The following C14orf93 variants were observed in gnomAD, a reference collection of about 807,000 sequenced individuals.
The protein encoded by C14orf93 is chromosome 14 open reading frame 93, also known as uncharacterized protein C14orf93.
C14orf93 carries 23 observed loss-of-function variants against 44.0 expected under a neutral mutation model. The ratio of observed to expected loss-of-function variants is 0.52; its 90% CI spans 0.38 to 0.74. C14orf93 has a LOEUF of 0.74. Among genes scored for constraint, C14orf93 ranks in the 30% least tolerant of loss-of-function variants. The probability of loss-of-function intolerance (pLI) is 0.00; values close to 1 mark genes in which losing one functional copy is unlikely to be tolerated. For synonymous variants in C14orf93, 253 were observed against 265.7 expected (o/e 0.95, Z 0.46); for missense variants, 579 against 678.9 (o/e 0.85, Z 1.64).
intron 1 of C14orf93, chr14:23,005,675 T>C (rs1244877270): frequency 6.6e-6 from 1 of 152,130 alleles, no homozygotes; most frequent in African/African-American, 2.4e-5. Context: ...TTGCAAAAAA[T>C]ATAAGCATTT....
At chr14:22,991,471 C>T (rs533920692) in intron 3 of C14orf93, among the ~76,000 whole-genome samples, 2 of 146,050 alleles carry the variant, frequency 1.4e-5, no homozygotes, top group East Asian at 4.2e-4. Flanking sequence ...TCTCGAACTC[C>T]TAACCTTGTG....
chr14:23,004,144 G>A (rs1371505497), intron 1 of C14orf93, among the ~76,000 whole-genome samples: 4 of 150,490 alleles, frequency 2.7e-5, no homozygotes, highest in Non-Finnish European at 5.9e-5. Context: ...TCCTGACCTT[G>A]TGATCCGCCC....
At position 22,986,338 on chromosome 14, in the gene C14orf93, A is replaced by G. The variant is rs1394790866; in HGVS notation, c.*877T>C. 2.6e-5 allele frequency: 4 copies of G among 152,344 alleles called. No homozygotes were observed. Among genetic ancestry groups the G allele is most frequent in the African/African-American group, 9.6e-5 (4 of 41,464 alleles). The allele number at this position is 152,344 out of a possible 1,614,324, so 9.4% of individuals were successfully genotyped here. On this transcript the variant is annotated 3_prime_UTR_variant, in exon 7 of 7. Coordinates refer to ENST00000299088, the MANE Select transcript of C14orf93 (RefSeq NM_021944.4). The stretch of plus-strand genomic sequence containing the variant: ...GCCTGGCTTCCTGACTAAACTAAAA[A>G]AATCTCTGAACAGCATCCAACCTTA...
At position 23,003,573 on chromosome 14, in the gene C14orf93, G is replaced by A. The variant is rs776119056; in HGVS notation, c.-379-4171C>T. Among the ~76,000 whole-genome samples the A allele has an allele frequency of 1.6e-4, 24 of 152,028 alleles. 1 individual carries two copies. The highest frequency in any genetic ancestry group is 3.1e-4 in the Non-Finnish European group (21 of 68,010). Reference sequence around the variant, plus strand: ...GGAGGCTGAGGTGGGCGGGTCACCTGAGGTCAGTTCGAGACCAGCCTGGCC... The same window carrying A: ...GGAGGCTGAGGTGGGCGGGTCACCTAAGGTCAGTTCGAGACCAGCCTGGCC... On this transcript the variant is annotated intron_variant, in intron 1 of 6. Coordinates refer to ENST00000299088, the MANE Select transcript of C14orf93 (RefSeq NM_021944.4).
intron 1 of C14orf93, among the ~76,000 whole-genome samples, chr14:23,004,279 C>T (rs910630306): frequency 1.3e-5 from 2 of 148,844 alleles, no homozygotes; most frequent in Non-Finnish European, 3.0e-5. Context: ...GGCACGATTT[C>T]GGCTCACTGC....
chr14:23,008,579 C>T (rs528947258), intron 1 of C14orf93, among the ~76,000 whole-genome samples: 1 of 152,192 alleles, frequency 6.6e-6, no homozygotes. Context: ...CCCTCAGCAC[C>T]TCATATACCT....
chr14:22,998,930 T>G lies in C14orf93; in HGVS notation c.94A>C (p.Asn32His). 6.2e-7 allele frequency: 1 copy of G among 1,614,104 alleles called. No individual in the cohort carries two copies. Among genetic ancestry groups the G allele is most frequent in the South Asian group, 1.1e-5 (1 of 91,088 alleles). ...GGATTCCCACCCTGGGAGCCTGTGT[T>G]GCCTCCATTAGTCTCACTCTTACAG... ...CACKSETNGGNTGSQGGNPPP... is the reference protein window; with the variant it reads ...CACKSETNGGHTGSQGGNPPP... The change falls in exon 2 of 7, where the codon AAC (asparagine) becomes CAC (histidine). Residue 32 changes from asparagine to histidine, a missense_variant. Asn to His is a moderately conservative substitution (Grantham distance 68). Transcript: ENST00000299088.
rs1014560694 is a variant in C14orf93, at chr14:22,987,204, G to C, written c.*11C>G. 1.9e-6 allele frequency: 3 copies of C among 1,601,538 alleles called. No homozygotes were observed. The African/African-American group carries it at 4.0e-5, about 21-fold the overall frequency. ...CATGGCGGAAGCCAGAGTTATTCTT[G>C]GCTGTAGATTTTATTCATCCTTTTC... On this transcript the variant is annotated 3_prime_UTR_variant, in exon 7 of 7. Transcript: ENST00000299088. This position sits in a 1 kb window ranked among gnomAD's most constrained non-coding sequence, Gnocchi z 5.6.
At position 22,998,520 on chromosome 14, in the gene C14orf93, C is replaced by A. The variant is rs1419263712; in HGVS notation, c.504G>T (p.Gly168=). 6.2e-7 allele frequency: 1 copy of A among 1,613,842 alleles called. No homozygotes were observed. The highest frequency in any genetic ancestry group is 1.1e-5 in the South Asian group (1 of 91,068). Reference sequence around the variant, plus strand: ...TTGCTGGGAAGCCCAAAGGCCCAGGCCCCACTGAGGCTGCTCCCAGCTGCC... The same window carrying A: ...TTGCTGGGAAGCCCAAAGGCCCAGGACCCACTGAGGCTGCTCCCAGCTGCC... ...ELRQLGAASV[G]PGPLGFPATQ... Residue 168 remains glycine (G), a synonymous_variant, in exon 2 of 7, where the codon GGG becomes GGT. Transcript: ENST00000299088.
intron 1 of C14orf93, chr14:23,006,447 A>G (rs2046622275): frequency 6.6e-6 from 1 of 152,252 alleles, no homozygotes; most frequent in Non-Finnish European, 1.5e-5. Flanking sequence ...GATTCCACGT[A>G]ATCTGAAAAT....
Position 22,987,157 on chromosome 14 carries a change from C to A in C14orf93, c.*58G>T. 6.7e-7 allele frequency: 1 copy of A among 1,498,076 alleles called. No homozygotes were observed. The highest frequency in any genetic ancestry group is 1.3e-5 in the South Asian group (1 of 76,576). 92.8% of individuals were successfully genotyped at this position (1,498,076 alleles called of 1,614,324 possible). On this transcript the variant is annotated 3_prime_UTR_variant, in exon 7 of 7. Coordinates refer to ENST00000299088, the MANE Select transcript of C14orf93 (RefSeq NM_021944.4). This position sits in a 1 kb window ranked among gnomAD's most constrained non-coding sequence, Gnocchi z 5.6. ...TCATTATTTTGTGAAGCCCCATGGCCACCTATTTCTGAGACATGGGGCATG... is the reference window on the plus strand; with the variant it reads ...TCATTATTTTGTGAAGCCCCATGGCAACCTATTTCTGAGACATGGGGCATG...
rs1230915263 is a variant in C14orf93, at chr14:22,986,085, T to C, written c.*1130A>G. 1 of 152,268 alleles carries C rather than the reference T, an allele frequency of 6.6e-6. No individual in the cohort carries two copies. The highest frequency in any genetic ancestry group is 1.5e-5 in the Non-Finnish European group (1 of 68,084). 9.4% of individuals were successfully genotyped at this position (152,268 alleles called of 1,614,324 possible). On this transcript the variant is annotated 3_prime_UTR_variant, in exon 7 of 7. Coordinates refer to ENST00000299088, the MANE Select transcript of C14orf93 (RefSeq NM_021944.4). ...CAGTAGAACTGGACCTTGTCTGTAC[T>C]CTCTCTTGCCCCTGGACTTTTGTAC...
At chr14:23,000,344 C>G (rs2046225901) in intron 1 of C14orf93, among the ~76,000 whole-genome samples, 1 of 152,018 alleles carries the variant, frequency 6.6e-6, no homozygotes, top group Non-Finnish European at 1.5e-5. Context: ...TGTGCCATGT[C>G]AAAACCTTAA....
chr14:22,986,822 C>G lies in C14orf93; in HGVS notation c.*393G>C, dbSNP rs543062033. ...AGCAAGACAAGTAGTCACAGGGAAGCAAAAGGTACAACCTGGGCTGCTTCC... is the reference window on the plus strand; with the variant it reads ...AGCAAGACAAGTAGTCACAGGGAAGGAAAAGGTACAACCTGGGCTGCTTCC... On this transcript the variant is annotated 3_prime_UTR_variant, in exon 7 of 7. Transcript: ENST00000299088. The G allele has an allele frequency of 4.6e-6, 1 of 218,532 alleles. No individual in the cohort carries two copies. Among genetic ancestry groups the G allele is most frequent in the African/African-American group, 2.3e-5 (1 of 43,514 alleles). The allele number at this position is 218,532 out of a possible 1,614,324, so 13.5% of individuals were successfully genotyped here. A position where few individuals can be genotyped will look rare whatever the true frequency, so the allele number is the denominator to read the frequency against.
chr14:22,997,438 A>G (rs1251917900), intron 2 of C14orf93, among the ~76,000 whole-genome samples: 1 of 152,110 alleles, frequency 6.6e-6, no homozygotes, highest in Non-Finnish European at 1.5e-5. Context: ...GAGGAGAAAA[A>G]GAGAGGACAG....
Position 22,998,304 on chromosome 14 carries a change from T to G in C14orf93, c.597+123A>C. On this transcript the variant is annotated intron_variant, in intron 2 of 6. Coordinates refer to ENST00000299088, the MANE Select transcript of C14orf93 (RefSeq NM_021944.4). ...CCTGAAGGAAAAGGAAACGTGGTAC[T>G]GTTTTGCTTTATCACAAATACAAAC... 5 of 1,295,508 alleles carry G rather than the reference T, an allele frequency of 3.9e-6. No homozygotes were observed. In the East Asian group the frequency reaches 1.3e-4, roughly 35 times the overall value. 80.3% of individuals were successfully genotyped at this position (1,295,508 alleles called of 1,614,324 possible).
At chr14:22,992,950 G>A (rs1305327161) in intron 3 of C14orf93, among the ~76,000 whole-genome samples, 1 of 152,038 alleles carries the variant, frequency 6.6e-6, no homozygotes, top group African/African-American at 2.4e-5. Context: ...TGTGGTCTCA[G>A]CTCACTGCAA....
chr14:22,993,505 G>A (rs2045785510), intron 3 of C14orf93, among the ~76,000 whole-genome samples: 1 of 152,122 alleles, frequency 6.6e-6, no homozygotes, highest in South Asian at 2.1e-4. Flanking sequence ...GAATCACAAA[G>A]GAGTGGGCGA....
chr14:22,993,368 C>T (rs2045777884), intron 3 of C14orf93, among the ~76,000 whole-genome samples: 1 of 152,200 alleles, frequency 6.6e-6, no homozygotes, highest in South Asian at 2.1e-4. Context: ...GGCTGATTCA[C>T]CATACCAACT....
Sources: allele counts gnomAD v4.1 joint callset (sites outside exome capture counted in the v4.1 genomes callset), GRCh38; gene constraint gnomAD v4.1.1; non-coding constraint Gnocchi (gnomAD v3.1); transcripts MANE v1.5; gene names NCBI Gene and HGNC (gene_info 2026-07-23, HGNC 2026-07-21).